The following ADAM22 variants were observed in gnomAD, a reference collection of about 807,000 sequenced individuals.
ADAM22 encodes the protein ADAM metallopeptidase domain 22.
In ADAM22, 65 loss-of-function variants were observed where a neutral mutation model predicts 144.6. That is an observed-to-expected ratio of 0.45 (90% CI 0.37 to 0.55). The LOEUF (loss-of-function observed/expected upper bound fraction) is 0.55, where lower values mean the gene tolerates loss of function less well. ADAM22 is among the 20% of genes least tolerant of loss of function. The pLI is 0.00. For missense variants in ADAM22, 974 were observed against 1,184.9 expected (o/e 0.82, Z 2.61); for synonymous variants, 391 against 412.6 (o/e 0.95, Z 0.63).
At chr7:88,079,414 G>A (rs530354216) in intron 4 of ADAM22, among the ~76,000 whole-genome samples, 148 of 152,244 alleles carry the variant, frequency 9.7e-4, no homozygotes, top group African/African-American at 2.9e-3. Flanking sequence ...AAAGACCATC[G>A]AGGCTAGGAA....
intron 3 of ADAM22, among the ~76,000 whole-genome samples, chr7:87,979,381 G>A (rs1852737058): frequency 6.6e-6 from 1 of 152,118 alleles, no homozygotes; most frequent in African/African-American, 2.4e-5. Context: ...TAAAAATTCT[G>A]TTCTTCAGTT....
At chr7:88,114,998 A>G (rs1827388756) in intron 6 of ADAM22, among the ~76,000 whole-genome samples, 1 of 152,140 alleles carries the variant, frequency 6.6e-6, no homozygotes, top group Admixed American at 6.5e-5. Flanking sequence ...CATGCCTGTA[A>G]TCCCAGCACT....
intron 3 of ADAM22, among the ~76,000 whole-genome samples, chr7:88,026,559 G>A (rs1799076302): frequency 6.6e-6 from 1 of 152,058 alleles, no homozygotes. Flanking sequence ...AAATGCTACT[G>A]ATTTTTGTAT....
intron 3 of ADAM22, among the ~76,000 whole-genome samples, chr7:88,010,681 C>T (rs1795151246): frequency 1.3e-5 from 2 of 152,150 alleles, no homozygotes; most frequent in Admixed American, 6.5e-5. Flanking sequence ...CGTGTCTCTC[C>T]ATGAGTCTAG....
intron 3 of ADAM22, among the ~76,000 whole-genome samples, chr7:88,029,460 A>G (rs1799745958): frequency 6.6e-6 from 1 of 152,056 alleles, no homozygotes; most frequent in South Asian, 2.1e-4. Flanking sequence ...TATTACTTTT[A>G]ATCAGTTCAT....
chr7:88,184,479 G>T (rs1301893850), intron 29 of ADAM22: 1 of 237,036 alleles, frequency 4.2e-6, no homozygotes, highest in Non-Finnish European at 8.9e-6. Flanking sequence ...TGAGAACAGG[G>T]TCATTTGATC....
rs905275483 is a variant in ADAM22 at position 88,196,761 on chromosome 7, G to T, written c.*270G>T. 1.3e-5 allele frequency: 6 copies of T among 469,598 alleles called. No homozygotes were observed. The highest frequency in any genetic ancestry group is 1.9e-5 in the Non-Finnish European group (5 of 258,640). 29.1% of individuals were successfully genotyped at this position (469,598 alleles called of 1,614,324 possible). A position where few individuals can be genotyped will look rare whatever the true frequency, so the allele number is the denominator to read the frequency against. ...GTACTGGTATGTTAATGGATAATCC[G>T]CATGACAGATAATATGTAGAAATAT... is the stretch of plus-strand genomic sequence containing the variant. On this transcript the variant is annotated 3_prime_UTR_variant, in exon 32 of 32. Transcript: ENST00000413139.
chr7:87,961,859 A>C (rs951841463), intron 2 of ADAM22, among the ~76,000 whole-genome samples: 1 of 152,218 alleles, frequency 6.6e-6, no homozygotes, highest in African/African-American at 2.4e-5. Context: ...GGGTTGAGGA[A>C]CTGTCTCAAG....
intron 3 of ADAM22, among the ~76,000 whole-genome samples, chr7:87,985,940 T>A (rs1788370400): frequency 6.6e-6 from 1 of 152,188 alleles, no homozygotes; most frequent in South Asian, 2.1e-4. Flanking sequence ...TGTTTTTCTA[T>A]AAATTCTATT....
At chr7:88,077,846 A>G (rs1029013007) in intron 4 of ADAM22, among the ~76,000 whole-genome samples, 2 of 152,206 alleles carry the variant, frequency 1.3e-5, no homozygotes, top group African/African-American at 4.8e-5. Context: ...AGCAGCCCAG[A>G]AGCTCGAACT....
At chr7:88,087,595 C>CT (rs1818763591) in intron 4 of ADAM22, among the ~76,000 whole-genome samples, 1 of 152,010 alleles carries the variant, frequency 6.6e-6, no homozygotes, top group African/African-American at 2.4e-5. Flanking sequence ...AAGTAGACAT[C>CT]TTTGTAGAGA....
intron 4 of ADAM22, among the ~76,000 whole-genome samples, chr7:88,090,485 G>T (rs546917762): frequency 6.6e-6 from 1 of 152,104 alleles, no homozygotes; most frequent in Non-Finnish European, 1.5e-5. Flanking sequence ...GTTTGGCCAC[G>T]ACTTAATGTC....
In ADAM22 at chr7:88,090,216, G is replaced by A. The variant is rs528736817; in HGVS notation, c.390+14524G>A. On this transcript the variant is annotated intron_variant, in intron 4 of 31. Transcript: ENST00000413139. ...TGGGAGATTTAGGTTAAGGACTCTT[G>A]CTGTTAAGCTTAAACTCTGAGAGCA... Among the ~76,000 whole-genome samples, 51 of 152,266 alleles carry A rather than the reference G, an allele frequency of 3.3e-4. No homozygotes were observed. The South Asian group carries it at 0.011, about 32-fold the overall frequency.
intron 4 of ADAM22, among the ~76,000 whole-genome samples, chr7:88,079,930 C>T (rs1304986343): frequency 6.6e-6 from 1 of 152,182 alleles, no homozygotes; most frequent in Non-Finnish European, 1.5e-5. Context: ...CAACATCAGA[C>T]CGATCAACGA....
chr7:87,956,178 G>A (rs1012115512), intron 2 of ADAM22, among the ~76,000 whole-genome samples: 24 of 152,156 alleles, frequency 1.6e-4, no homozygotes, highest in Middle Eastern at 3.4e-3. Flanking sequence ...AGATGAACCC[G>A]GTACCTCAGA....
chr7:88,155,348 C>G (rs1471244711), intron 21 of ADAM22, among the ~76,000 whole-genome samples: 1 of 151,740 alleles, frequency 6.6e-6, no homozygotes, highest in Non-Finnish European at 1.5e-5. Context: ...CATAGTGAGA[C>G]CCTGTCTCTG....
chr7:87,962,588 C>G (rs964334870), intron 2 of ADAM22, among the ~76,000 whole-genome samples: 4 of 151,842 alleles, frequency 2.6e-5, no homozygotes, highest in African/African-American at 7.3e-5. Context: ...AATAATATGC[C>G]TAACGTTTAT....
Position 88,091,717 on chromosome 7 carries a change from A to G in ADAM22, c.390+16025A>G, listed in dbSNP as rs1377745661. ...GAAGTCTGGCACCAGAATGTGTGCTATAATCTACTGTAGTTTATCCTCCCT... is the reference window on the plus strand; with the variant it reads ...GAAGTCTGGCACCAGAATGTGTGCTGTAATCTACTGTAGTTTATCCTCCCT... On this transcript the variant is annotated intron_variant, in intron 4 of 31. Transcript: ENST00000413139. Among the ~76,000 whole-genome samples the G allele has an allele frequency of 2.6e-5, 4 of 152,202 alleles. No individual in the cohort carries two copies. In the South Asian group the frequency reaches 8.3e-4, roughly 31 times the overall value.
intron 14 of ADAM22, among the ~76,000 whole-genome samples, chr7:88,138,962 A>G (rs1833823725): frequency 6.6e-6 from 1 of 152,218 alleles, no homozygotes; most frequent in East Asian, 1.9e-4. Flanking sequence ...TGCAGTGGGC[A>G]GGAGGGTGGG....
Sources: allele counts gnomAD v4.1 joint callset (sites outside exome capture counted in the v4.1 genomes callset), GRCh38; gene constraint gnomAD v4.1.1; transcripts MANE v1.5; gene names NCBI Gene and HGNC (gene_info 2026-07-23, HGNC 2026-07-21).